The following BRINP3 variants were observed in gnomAD, a reference collection of about 807,000 sequenced individuals.
BRINP3 encodes the protein BMP/retinoic acid-inducible neural-specific protein 3.
Under a neutral mutation model 71.0 loss-of-function variants are expected in BRINP3, and 19 were observed. That is an observed-to-expected ratio of 0.27 (90% CI 0.19 to 0.39). BRINP3 has a LOEUF of 0.39. BRINP3 is among the 10% of genes least tolerant of loss of function. The pLI is 1.00. For synonymous variants in BRINP3, 380 were observed against 337.7 expected (o/e 1.13, Z -1.37); for missense variants, 959 against 940.8 (o/e 1.02, Z -0.25).
intron 2 of BRINP3, among the ~76,000 whole-genome samples, chr1:190,330,483 GCTGCTGGCAAGGCTGTGAAGAAAGA>G (rs1666893554): frequency 6.6e-6 from 1 of 151,960 alleles, no homozygotes; most frequent in Non-Finnish European, 1.5e-5. Flanking sequence ...AAAAATAACA[GCTGCTGGCAAGGCTGTGAAGAAAGA>G]GGAATACTTA....
At chr1:190,294,434 T>C (rs1451994424) in intron 2 of BRINP3, among the ~76,000 whole-genome samples, 1 of 151,854 alleles carries the variant, frequency 6.6e-6, no homozygotes, top group Non-Finnish European at 1.5e-5. Context: ...TAATTTTTTG[T>C]AGAGATAGGG....
chr1:190,472,451 TA>T (rs1192049050), intron 1 of BRINP3, among the ~76,000 whole-genome samples: 2 of 151,598 alleles, frequency 1.3e-5, no homozygotes, highest in Non-Finnish European at 3.0e-5. Context: ...CAAGAAAAAA[TA>T]TTTTTTTTCT....
rs536495607 is a variant in BRINP3, at chr1:190,438,708, T to C, written c.236+15947A>G. 4.6e-5 allele frequency among the ~76,000 whole-genome samples: 7 copies of C among 151,978 alleles called. No homozygotes were observed. In the South Asian group the frequency reaches 1.4e-3, roughly 31 times the overall value. On this transcript the variant is annotated intron_variant, in intron 2 of 7. Transcript: ENST00000367462. ...GCATGTTAGTTTGAGATATGTGCTG[T>C]GTCAAGCAAAAATGCAAAGGTGAAC... is the stretch of plus-strand genomic sequence containing the variant.
chr1:190,108,916 G>T (rs1191826070), intron 7 of BRINP3, among the ~76,000 whole-genome samples: 1 of 151,926 alleles, frequency 6.6e-6, no homozygotes, highest in African/African-American at 2.4e-5. Flanking sequence ...ACAAATGAGA[G>T]CCTTTTATCA....
chr1:190,450,207 A>G (rs1675514646), intron 2 of BRINP3, among the ~76,000 whole-genome samples: 1 of 152,144 alleles, frequency 6.6e-6, no homozygotes, highest in Admixed American at 6.6e-5. Flanking sequence ...ATTAGGATCC[A>G]ACTCTGGGCT....
chr1:190,373,435 T>C (rs1334600211), intron 2 of BRINP3, among the ~76,000 whole-genome samples: 3 of 68,280 alleles, frequency 4.4e-5, no homozygotes, highest in African/African-American at 2.0e-4. Context: ...TATATATATA[T>C]GTGTGTGTGT....
chr1:190,227,631 T>G (rs1443702981), intron 5 of BRINP3, among the ~76,000 whole-genome samples: 1 of 152,044 alleles, frequency 6.6e-6, no homozygotes, highest in East Asian at 1.9e-4. Context: ...AAAAAACTTT[T>G]TATTAAAAAG....
chr1:190,422,111 T>A (rs907977891), intron 2 of BRINP3, among the ~76,000 whole-genome samples: 3 of 151,128 alleles, frequency 2.0e-5, no homozygotes, highest in African/African-American at 4.9e-5. Context: ...TTCTTTAACA[T>A]TTTTTTTACA....
At chr1:190,358,533 G>C (rs907186430) in intron 2 of BRINP3, among the ~76,000 whole-genome samples, 1 of 152,140 alleles carries the variant, frequency 6.6e-6, no homozygotes, top group Non-Finnish European at 1.5e-5. Flanking sequence ...AGAGGATGTG[G>C]AGAAATAGGA....
At chr1:190,408,686 C>T (rs1672463632) in intron 2 of BRINP3, among the ~76,000 whole-genome samples, 1 of 152,138 alleles carries the variant, frequency 6.6e-6, no homozygotes, top group Admixed American at 6.5e-5. Flanking sequence ...CTATCACATA[C>T]ATTATACAAT....
At chr1:190,290,976 T>C (rs556040161) in intron 2 of BRINP3, among the ~76,000 whole-genome samples, 9 of 150,566 alleles carry the variant, frequency 6.0e-5, no homozygotes, top group East Asian at 1.9e-4. Context: ...AGATATGGAG[T>C]ATAGAGAGAG....
At chr1:190,198,669 C>T (rs1216686692) in intron 6 of BRINP3, among the ~76,000 whole-genome samples, 1 of 152,092 alleles carries the variant, frequency 6.6e-6, no homozygotes, top group African/African-American at 2.4e-5. Flanking sequence ...TATCAAGAGT[C>T]ACCTTTGCTC....
chr1:190,360,296 A>T (rs945022786), intron 2 of BRINP3, among the ~76,000 whole-genome samples: 2 of 152,194 alleles, frequency 1.3e-5, no homozygotes, highest in Non-Finnish European at 2.9e-5. Context: ...AAACCAGAAT[A>T]CTTTTGATAT....
intron 4 of BRINP3, among the ~76,000 whole-genome samples, chr1:190,248,401 A>G (rs1413516306): frequency 6.6e-6 from 1 of 151,712 alleles, no homozygotes; most frequent in Non-Finnish European, 1.5e-5. Context: ...TTACTCTGAT[A>G]TAATATGAAA....
chr1:190,298,037 C>T (rs1425693709), intron 2 of BRINP3, among the ~76,000 whole-genome samples: 3 of 151,998 alleles, frequency 2.0e-5, no homozygotes, highest in Non-Finnish European at 4.4e-5. Context: ...AATTATAGGG[C>T]TAGTCAATGA....
At chr1:190,227,228 T>C (rs954438217) in intron 5 of BRINP3, among the ~76,000 whole-genome samples, 1 of 151,814 alleles carries the variant, frequency 6.6e-6, no homozygotes, top group Admixed American at 6.6e-5. Context: ...ATGTTTTCTG[T>C]TTAACAAAAA....
chr1:190,216,783 T>C (rs890593924), intron 6 of BRINP3, among the ~76,000 whole-genome samples: 4 of 151,926 alleles, frequency 2.6e-5, no homozygotes, highest in African/African-American at 4.8e-5. Flanking sequence ...TCTTTTTGTA[T>C]GGTACCAGTT....
In BRINP3 at chr1:190,098,204, C is replaced by T; in HGVS notation, c.2115G>A (p.Glu705=). The T allele has an allele frequency of 1.2e-6, 2 of 1,614,134 alleles. No homozygotes were observed. The highest frequency in any genetic ancestry group is 1.7e-6 in the Non-Finnish European group (2 of 1,180,026). Residue 705 remains glutamate, a synonymous_variant, in exon 8 of 8, where the codon GAG becomes GAA. Coordinates refer to ENST00000367462, the MANE Select transcript of BRINP3 (RefSeq NM_199051.3). ...AGAGTTTATTTACACGGTCTCTGAT[C>T]TCTAGTAGTTGCAAAAGTGCTGAAT... is the stretch of plus-strand genomic sequence containing the variant. ...SQDSALLQLL[E]IRDRVNKLSP... is the part of the protein sequence containing the mutation.
chr1:190,144,954 T>C (rs1187831787), intron 7 of BRINP3, among the ~76,000 whole-genome samples: 1 of 152,172 alleles, frequency 6.6e-6, no homozygotes, highest in Non-Finnish European at 1.5e-5. Flanking sequence ...CTTCATATCT[T>C]TGCAGACAGT....
Sources: allele counts gnomAD v4.1 joint callset (sites outside exome capture counted in the v4.1 genomes callset), GRCh38; gene constraint gnomAD v4.1.1; transcripts MANE v1.5; gene names NCBI Gene and HGNC (gene_info 2026-07-23, HGNC 2026-07-21).